The following ACSM3 variants were observed in gnomAD, a reference collection of about 807,000 sequenced individuals.
ACSM3 encodes acyl-coenzyme A synthetase ACSM3, mitochondrial.
A neutral mutation model predicts 74.1 loss-of-function variants in ACSM3; 61 were observed. The ratio of observed to expected loss-of-function variants is 0.82; its 90% CI spans 0.67 to 1.02. The LOEUF (loss-of-function observed/expected upper bound fraction) is 1.02, where lower values mean the gene tolerates loss of function less well. Ranked by LOEUF, ACSM3 falls within the 50% of genes least tolerant of loss-of-function variation. The pLI, the probability that ACSM3 is intolerant of heterozygous loss-of-function variation, is 0.00. For synonymous variants in ACSM3, 213 were observed against 241.5 expected, an observed-to-expected ratio of 0.88 and a Z score of 1.09; for missense variants, 660 against 697.0, an observed-to-expected ratio of 0.95 and a Z score of 0.60.
At chr16:20,738,623 G>A in intron 1 of ACSM3, 1 of 397,698 alleles carries the variant, frequency 2.5e-6, no homozygotes, top group Non-Finnish European at 4.5e-6. Flanking sequence ...CTGAGTAGCA[G>A]CTGCCCCTTA....
rs565069747 is a variant in ACSM3, at chr16:20,705,188, C to T, written c.-190+30366C>T. Among the ~76,000 whole-genome samples the T allele has an allele frequency of 5.3e-5, 8 of 152,092 alleles. No individual in the cohort carries two copies. The South Asian group carries it at 1.2e-3, about 24-fold the overall frequency. ...GAGATTGAGAACATCCTGGCTAACA[C>T]CCTGAAACCCCGTCTCTACTGAAAA... On this transcript the variant is annotated intron_variant, in intron 1 of 3. Transcript: ENST00000561584.
At chr16:20,773,770 C>A (rs954586246) in intron 2 of ACSM3, among the ~76,000 whole-genome samples, 1 of 152,090 alleles carries the variant, frequency 6.6e-6, no homozygotes. Context: ...TTGTTTTGTG[C>A]CCTAACATAT....
rs115506140 is a variant in ACSM3, at chr16:20,679,005, G to A, written c.-190+4183G>A. 5.5e-3 allele frequency among the ~76,000 whole-genome samples: 833 copies of A among 152,204 alleles called. 9 individuals carry two copies. The highest frequency in any genetic ancestry group is 0.019 in the African/African-American group (790 of 41,512). On this transcript the variant is annotated intron_variant, in intron 1 of 3. Transcript: ENST00000561584. ...ATGGCCATGCAAAAATGCATGGCTA[G>A]GTATAGAAAAATGCCTATAAGTCTA...
upstream of ACSM3, among the ~76,000 whole-genome samples, chr16:20,761,040 G>A (rs1040821544): frequency 6.6e-6 from 1 of 152,108 alleles, no homozygotes; most frequent in African/African-American, 2.4e-5. Flanking sequence ...TTACCTGAAA[G>A]CCCAGCCTCT....
At chr16:20,755,778 C>CG (rs2080024987) in intron 3 of ACSM3, among the ~76,000 whole-genome samples, 1 of 50,262 alleles carries the variant, frequency 2.0e-5, no homozygotes, top group Non-Finnish European at 5.6e-5. Flanking sequence ...AATGCTATCC[C>CG]TCCCCCCCCC....
intron 1 of ACSM3, among the ~76,000 whole-genome samples, chr16:20,693,780 A>G (rs2079675504): frequency 2.0e-5 from 3 of 152,310 alleles, no homozygotes; most frequent in Admixed American, 2.0e-4. Flanking sequence ...AAAATCTCTA[A>G]CCTAGGCCAA....
chr16:20,761,632 G>A (rs932505628), upstream of ACSM3, among the ~76,000 whole-genome samples: 13 of 152,170 alleles, frequency 8.5e-5, no homozygotes, highest in Non-Finnish European at 5.9e-5. Context: ...AATGTCAGGC[G>A]ACAATCAGGT....
intron 2 of ACSM3, among the ~76,000 whole-genome samples, chr16:20,773,167 G>C (rs1398490759): frequency 1.3e-5 from 2 of 152,044 alleles, no homozygotes; most frequent in African/African-American, 4.8e-5. Context: ...GCATATAGTT[G>C]TTCATAAGAG....
intron 1 of ACSM3, chr16:20,727,567 T>C (rs1341944750): frequency 4.0e-6 from 1 of 252,854 alleles, no homozygotes; most frequent in Non-Finnish European, 8.1e-6. Flanking sequence ...CCACTCTAAA[T>C]TTTTACAGTT....
In ACSM3 at chr16:20,792,122, T is replaced by A. The variant is rs777920825; in HGVS notation, c.1447T>A (p.Ser483Thr). ...TGCAAGAGCAGATGATGTCATATTA[T>A]CCTCTGGGTAACTTTCTTTTCCATA... is the stretch of plus-strand genomic sequence containing the variant. ...FVARADDVIL[S>T]SGYRIGPFEV... The change falls in exon 11 of 14, where the codon TCC becomes ACC. Residue 483 changes from serine to threonine, a missense_variant. Physicochemically the swap from Ser to Thr is moderately conservative, Grantham distance 58. Coordinates refer to ENST00000289416, the MANE Select transcript of ACSM3 (RefSeq NM_005622.4). 6.2e-7 allele frequency: 1 copy of A among 1,614,166 alleles called. No individual in the cohort carries two copies. The highest frequency in any genetic ancestry group is 1.1e-5 in the South Asian group (1 of 91,090).
chr16:20,775,776 A>C, intron 2 of ACSM3, 63 bp from the exon 3 acceptor site: 1 of 1,520,138 alleles, frequency 6.6e-7, no homozygotes, highest in Non-Finnish European at 9.1e-7. Flanking sequence ...CCATTGAGTC[A>C]GTTGGCCCAG....
At chr16:20,756,952 C>T (rs1193335301) in intron 3 of ACSM3, among the ~76,000 whole-genome samples, 14 of 151,822 alleles carry the variant, frequency 9.2e-5, no homozygotes, top group Middle Eastern at 6.8e-3. Context: ...TGTACATATG[C>T]GGCGTTATTT....
Position 20,785,092 on chromosome 16 carries a change from T to G in ACSM3, c.1128T>G (p.Tyr376Ter). ...CGGGCCTGGATATCTACGAAGGATA[T>G]GGACAGACTGAAACGGTACCTGACC... is the stretch of plus-strand genomic sequence containing the variant. ...NKTGLDIYEG[Y>*]GQTETVLICG... Residue 376 changes from tyrosine to a stop codon, truncating the protein, a stop_gained, in exon 8 of 14, where the codon TAT becomes TAG. Transcript: ENST00000289416. LOFTEE classifies it high-confidence loss of function. The G allele has an allele frequency of 6.2e-7, 1 of 1,613,338 alleles. No homozygotes were observed. Among genetic ancestry groups the G allele is most frequent in the Non-Finnish European group, 8.5e-7 (1 of 1,179,520 alleles).
In ACSM3 at chr16:20,791,998, G is replaced by A. The variant is rs979555575; in HGVS notation, c.1327-4G>A. On this transcript the variant is annotated splice_region_variant and splice_polypyrimidine_tract_variant and intron_variant, in intron 10 of 13. Coordinates refer to ENST00000289416, the MANE Select transcript of ACSM3 (RefSeq NM_005622.4). Reference sequence around the variant, plus strand: ...ATAACAACAAAATGCTATTTGTTTTGCAGGATAATCCTTCAAAAACAGCTT... The same window carrying A: ...ATAACAACAAAATGCTATTTGTTTTACAGGATAATCCTTCAAAAACAGCTT... The A allele has an allele frequency of 6.2e-7, 1 of 1,613,200 alleles. No individual in the cohort carries two copies. The highest frequency in any genetic ancestry group is 1.3e-5 in the African/African-American group (1 of 74,812).
intron 1 of ACSM3, among the ~76,000 whole-genome samples, chr16:20,725,930 G>A (rs1450459440): frequency 2.0e-5 from 3 of 151,930 alleles, no homozygotes; most frequent in East Asian, 1.9e-4. Flanking sequence ...CCAAGATCGC[G>A]CCACTGCACT....
At chr16:20,711,820 C>G (rs1364436854) in intron 1 of ACSM3, 1 of 326,488 alleles carries the variant, frequency 3.1e-6, no homozygotes, top group Admixed American at 4.1e-5. Context: ...TACCTAATAA[C>G]CAGATTTAAG....
At chr16:20,691,051 C>T (rs766453598) in intron 1 of ACSM3, 80 of 1,613,624 alleles carry the variant, frequency 5.0e-5, no homozygotes, top group Middle Eastern at 1.6e-4. Context: ...TAAATTCCTC[C>T]GGTACTTCAT....
chr16:20,718,327 T>TG, intron 1 of ACSM3: 1 of 783,444 alleles, frequency 1.3e-6, no homozygotes, highest in Non-Finnish European at 1.8e-6. Flanking sequence ...ACCACCATCT[T>TG]GGGGTCCATC....
intron 7 of ACSM3, among the ~76,000 whole-genome samples, chr16:20,783,805 C>T (rs969230670): frequency 3.9e-5 from 4 of 102,958 alleles, no homozygotes; most frequent in Non-Finnish European, 7.8e-5. Flanking sequence ...GTGTTCTCCC[C>T]GTCTCAATTT....
Sources: gnomAD v4.1 joint callset for allele counts (sites outside exome capture counted in the v4.1 genomes callset) on GRCh38, gnomAD v4.1.1 for gene constraint, MANE v1.5 for transcripts, NCBI Gene and HGNC (gene_info 2026-07-23, HGNC 2026-07-21) for gene names.